NOTCH4: variants seen among roughly 807,000 people sequenced by gnomAD.
NOTCH4 encodes notch receptor 4, also known as neurogenic locus notch homolog protein 4.
Under a neutral mutation model 189.0 loss-of-function variants are expected in NOTCH4, and 138 were observed. The observed-to-expected ratio is 0.73, with a 90% CI of 0.64 to 0.84. NOTCH4 has a LOEUF of 0.84. Ranked by LOEUF, NOTCH4 falls within the 40% of genes least tolerant of loss-of-function variation. NOTCH4 has a pLI of 0.00. For missense variants in NOTCH4, 2,286 were observed against 2,605.4 expected, an observed-to-expected ratio of 0.88 and a Z score of 2.67; for synonymous variants, 942 against 1,032.8, an observed-to-expected ratio of 0.91 and a Z score of 1.69.
intron 20 of NOTCH4, chr6:32,203,500 GCCACCCA>G: frequency 4.1e-6 from 2 of 489,876 alleles, no homozygotes; most frequent in Non-Finnish European, 7.2e-6. Context: ...CCTATCTGAG[GCCACCCA>G]CCACGCAGCT....
chr6:32,223,456 T>G (rs1789926693), intron 1 of NOTCH4, among the ~76,000 whole-genome samples: 1 of 151,520 alleles, frequency 6.6e-6, no homozygotes, highest in South Asian at 2.1e-4. Flanking sequence ...ATCCGGGGGG[T>G]GGGGACAGCT....
chr6:32,200,918 G>A lies in NOTCH4; in HGVS notation c.4228C>T (p.Arg1410Cys), dbSNP rs143103753. The A allele has an allele frequency of 9.1e-5, 146 of 1,608,810 alleles. No individual in the cohort carries two copies. The highest frequency in any genetic ancestry group is 1.1e-4 in the Non-Finnish European group (130 of 1,178,130). Residue 1410 changes from arginine to cysteine, a missense_variant, in exon 23 of 30, where the codon CGC becomes TGC. Physicochemically the swap from Arg to Cys is radical, Grantham distance 180. Around this residue, in one of 2 missense-constraint regions of NOTCH4, gnomAD observed 1,903 missense variants for 2,261.9 expected, o/e 0.84. Transcript: ENST00000375023. This position sits in a 1 kb window ranked among gnomAD's most constrained non-coding sequence, Gnocchi z 5.0. ...ACTGCAGCCATCGCAGCAAGGAAGC[G>A]GAGTAGAAGCCCAGGGTCCCAGGGA... ...RCPWDPGLLL[R>C]FLAAMAAVGA...
At chr6:32,214,913 C>T (rs1290816029) in intron 12 of NOTCH4, among the ~76,000 whole-genome samples, 1 of 152,062 alleles carries the variant, frequency 6.6e-6, no homozygotes, top group Non-Finnish European at 1.5e-5. Flanking sequence ...GGCATGAGAC[C>T]GTAATCAGCA....
chr6:32,215,406 A>G, intron 11 of NOTCH4, 21 bp from the exon 12 acceptor site: 1 of 1,587,160 alleles, frequency 6.3e-7, no homozygotes, highest in Non-Finnish European at 8.6e-7. Flanking sequence ...AAGATGGGTC[A>G]AAAAGAAAAC....
rs1788151188 is a variant in NOTCH4 at position 32,198,918 on chromosome 6, A to G, written c.4535+8T>C. The G allele has an allele frequency of 1.3e-6, 2 of 1,545,474 alleles. No homozygotes were observed. The highest frequency in any genetic ancestry group is 1.7e-6 in the Non-Finnish European group (2 of 1,146,978). On this transcript the variant is annotated splice_region_variant and intron_variant, in intron 24 of 29. Transcript: ENST00000375023. This position sits in a 1 kb window ranked among gnomAD's most constrained non-coding sequence, Gnocchi z 5.5. ...CCTTCCTGAGCCTGGGTTTCTCCTC[A>G]TTCTCACTTGAGACCAATGCTGTCC... is the stretch of plus-strand genomic sequence containing the variant.
Position 32,218,071 on chromosome 6 carries a change from C to A in NOTCH4, c.1548G>T (p.Glu516Asp), listed in dbSNP as rs149364389. ...GGTTCAGGCAGGGAGCTGAGGCACA[C>A]TCGTTGGTCTCCACCTCACAGAGCT... ...EGQLCEVETN[E>D]CASAPCLNHA... Residue 516 changes from glutamate (E) to aspartate (D), a missense_variant, in exon 9 of 30, where the codon GAG becomes GAT. Coordinates refer to ENST00000375023, the MANE Select transcript of NOTCH4 (RefSeq NM_004557.4). The A allele has an allele frequency of 1.9e-6, 3 of 1,613,672 alleles. No individual in the cohort carries two copies. The African/African-American group carries it at 4.0e-5, about 22-fold the overall frequency.
In NOTCH4 at chr6:32,222,594, G is replaced by A. The variant is rs1238773797; in HGVS notation, c.368C>T (p.Pro123Leu). 2 of 1,601,384 alleles carry A rather than the reference G, an allele frequency of 1.2e-6. No homozygotes were observed. Among genetic ancestry groups the A allele is most frequent in the Non-Finnish European group, 1.7e-6 (2 of 1,176,024 alleles). Residue 123 changes from proline (P) to leucine (L), a missense_variant, in exon 3 of 30, where the codon CCT becomes CTT. Physicochemically the swap from Pro to Leu is moderately conservative, Grantham distance 98 (BLOSUM62 -3). Coordinates refer to ENST00000375023, the MANE Select transcript of NOTCH4 (RefSeq NM_004557.4). ...GCCCCTTTTGGAACAGAAGGAGGGA[G>A]GACAAGGGTCTTCAAGCTTGGCCTG... ...RCQAKLEDPC[P>L]PSFCSKRGRC...
At position 32,199,287 on chromosome 6, in the gene NOTCH4, T is replaced by C. The variant is rs1379718141; in HGVS notation, c.4316-142A>G. On this transcript the variant is annotated intron_variant, in intron 23 of 29. Coordinates refer to ENST00000375023, the MANE Select transcript of NOTCH4 (RefSeq NM_004557.4). This position sits in a 1 kb window ranked among gnomAD's most constrained non-coding sequence, Gnocchi z 4.9. ...ATGGGGATGATAATATAGATTGAGG[T>C]TGGGCACAGTGGCTCATGCCTGTAA... The C allele has an allele frequency of 6.4e-6, 4 of 624,506 alleles. No individual in the cohort carries two copies. The African/African-American group carries it at 7.6e-5, about 12-fold the overall frequency. The allele number at this position is 624,506 out of a possible 1,614,324, so 38.7% of individuals were successfully genotyped here.
rs755096040 is a variant in NOTCH4 at position 32,198,534 on chromosome 6, G to T, written c.4643C>A (p.Thr1548Lys). ...GQAEETGPPSTCQLWSLSGGC... is the reference protein window; with the variant it reads ...GQAEETGPPSKCQLWSLSGGC... ...ACCACTCAGAGACCAGAGCTGGCACGTGGAGGGTGGGCCTGTTTCTTCAGC... is the reference window on the plus strand; with the variant it reads ...ACCACTCAGAGACCAGAGCTGGCACTTGGAGGGTGGGCCTGTTTCTTCAGC... Residue 1548 changes from threonine (T) to lysine (K), a missense_variant, in exon 26 of 30, where the codon ACG becomes AAG. Thr to Lys is a moderately conservative substitution (Grantham distance 78). This residue lies in a region of NOTCH4 where 1,903 missense variants were observed against 2,261.9 expected (regional missense o/e 0.84). Transcript: ENST00000375023. The surrounding 1 kb of genome is among the most constrained non-coding windows in gnomAD (Gnocchi z 5.5). 7 of 1,612,904 alleles carry T rather than the reference G, an allele frequency of 4.3e-6. No individual in the cohort carries two copies. The Admixed American group carries it at 8.3e-5, about 19-fold the overall frequency.
At chr6:32,222,064 T>G (rs715299) in intron 3 of NOTCH4, among the ~76,000 whole-genome samples, 54,189 of 151,860 alleles carry the variant, frequency 0.36, 10,367 homozygotes, top group East Asian at 0.61. Flanking sequence ...ATCCACTCTC[T>G]GGGTCACATC....
intron 3 of NOTCH4, among the ~76,000 whole-genome samples, chr6:32,222,169 T>A (rs1163180398): frequency 6.6e-6 from 1 of 151,910 alleles, no homozygotes; most frequent in African/African-American, 2.4e-5. Flanking sequence ...ATGCTCAGAA[T>A]GCAAAAGTCT....
chr6:32,198,507 C>T lies in NOTCH4; in HGVS notation c.4670G>A (p.Gly1557Asp). The T allele has an allele frequency of 1.2e-6, 2 of 1,613,002 alleles. No individual in the cohort carries two copies. The highest frequency in any genetic ancestry group is 2.2e-5 in the East Asian group (1 of 44,878). Reference sequence around the variant, plus strand: ...GGCTGCCTGAGGGAGCGCCCCACAGCCACCACTCAGAGACCAGAGCTGGCA... The same window carrying T: ...GGCTGCCTGAGGGAGCGCCCCACAGTCACCACTCAGAGACCAGAGCTGGCA... ...STCQLWSLSG[G>D]CGALPQAAML... The change falls in exon 26 of 30, where the codon GGC becomes GAC. Residue 1557 changes from glycine to aspartate, a missense_variant. By Grantham distance (94) the Gly-to-Asp change is moderately conservative. Coordinates refer to ENST00000375023, the MANE Select transcript of NOTCH4 (RefSeq NM_004557.4). The surrounding 1 kb of genome is among the most constrained non-coding windows in gnomAD (Gnocchi z 5.5).
chr6:32,223,177 C>T, intron 1 of NOTCH4, 91 bp from the exon 2 acceptor site: 1 of 907,454 alleles, frequency 1.1e-6, no homozygotes. Context: ...CTGCCCACAG[C>T]AGCTCCCACA....
chr6:32,212,350 G>T lies in NOTCH4; in HGVS notation c.2680+124C>A. The T allele has an allele frequency of 2.4e-6, 2 of 851,004 alleles. No individual in the cohort carries two copies. The highest frequency in any genetic ancestry group is 3.7e-6 in the Non-Finnish European group (2 of 538,600). The allele number at this position is 851,004 out of a possible 1,614,324, so 52.7% of individuals were successfully genotyped here. A position where few individuals can be genotyped will look rare whatever the true frequency, so the allele number is the denominator to read the frequency against. ...TCTGCAATCAAGAACTGATTTGTCT[G>T]TGTGGTTTTGATTCTCAGATGGTTG... On this transcript the variant is annotated intron_variant, in intron 17 of 29. Transcript: ENST00000375023. This position sits in a 1 kb window ranked among gnomAD's most constrained non-coding sequence, Gnocchi z 4.4.
chr6:32,223,720 G>A (rs1378793625), intron 1 of NOTCH4, 136 bp downstream of exon 1: 9 of 896,818 alleles, frequency 1.0e-5, no homozygotes, highest in African/African-American at 1.7e-5. Context: ...CCTGGAGGCC[G>A]TCTCTATTTG....
rs1243263801 is a variant in NOTCH4, at chr6:32,199,778, G to T, written c.4316-633C>A. 6.6e-6 allele frequency among the ~76,000 whole-genome samples: 1 copy of T among 152,164 alleles called. No homozygotes were observed. Among genetic ancestry groups the T allele is most frequent in the Non-Finnish European group, 1.5e-5 (1 of 68,034 alleles). ...CCATTGTAATTCCAGCTACTCAGTA[G>T]TCTGAAGCAAGAGAATTGCTTAAAC... On this transcript the variant is annotated intron_variant, in intron 23 of 29. Coordinates refer to ENST00000375023, the MANE Select transcript of NOTCH4 (RefSeq NM_004557.4). The surrounding 1 kb of genome is among the most constrained non-coding windows in gnomAD (Gnocchi z 4.9).
chr6:32,222,691 G>A lies in NOTCH4; in HGVS notation c.271C>T (p.Pro91Ser), dbSNP rs2127491003. 6.2e-7 allele frequency: 1 copy of A among 1,605,110 alleles called. No individual in the cohort carries two copies. The highest frequency in any genetic ancestry group is 1.3e-5 in the African/African-American group (1 of 74,316). The change falls in exon 3 of 30, where the codon CCC becomes TCC. Residue 91 changes from proline to serine, a missense_variant. Pro to Ser is a moderately conservative substitution (Grantham distance 74, BLOSUM62 -1). Around this residue, in one of 2 missense-constraint regions of NOTCH4, gnomAD observed 1,903 missense variants for 2,261.9 expected, o/e 0.84. Coordinates refer to ENST00000375023, the MANE Select transcript of NOTCH4 (RefSeq NM_004557.4). Reference protein sequence around the residue: ...QALLPAPLGLPSSPSPLTPSF... With the variant: ...QALLPAPLGLSSSPSPLTPSF... Reference sequence around the variant, plus strand: ...GGTGTCAATGGAGAGGGAGAGCTGGGGAGCCCTAGGGGAGCGGGAAGCAGG... The same window carrying A: ...GGTGTCAATGGAGAGGGAGAGCTGGAGAGCCCTAGGGGAGCGGGAAGCAGG...
In NOTCH4 at chr6:32,220,651, G is replaced by A. The variant is rs753895295; in HGVS notation, c.923-10C>T. The A allele has an allele frequency of 6.2e-6, 10 of 1,613,202 alleles. No individual in the cohort carries two copies. The African/African-American group carries it at 1.1e-4, about 17-fold the overall frequency. On this transcript the variant is annotated splice_polypyrimidine_tract_variant and intron_variant, in intron 5 of 29. Transcript: ENST00000375023. ...TCGGAGCAGTCCCAGCCTGCAGGGG[G>A]TTGGGGAGGGGACGAGGGCTAAGGC...
Position 32,204,155 on chromosome 6 carries a change from A to G in NOTCH4, c.3100T>C (p.Cys1034Arg). Residue 1034 changes from cysteine to arginine, a missense_variant, in exon 19 of 30, where the codon TGT becomes CGT. By Grantham distance (180) the Cys-to-Arg change is radical. Transcript: ENST00000375023. ...HSLANAFYCQCLPGHTGQWCE... is the reference protein window; with the variant it reads ...HSLANAFYCQRLPGHTGQWCE... The stretch of plus-strand genomic sequence containing the variant: ...GCCTCACCTGTGTGTCCAGGCAGAC[A>G]CTGGCAGTAGAAGGCATTGGCCAGA... 6.2e-7 allele frequency: 1 copy of G among 1,612,888 alleles called. No homozygotes were observed. The highest frequency in any genetic ancestry group is 1.1e-5 in the South Asian group (1 of 91,070).
Sources: gnomAD v4.1 joint callset for allele counts (sites outside exome capture counted in the v4.1 genomes callset) on GRCh38, gnomAD v4.1.1 for gene constraint, gnomAD v4.1.1 regional missense constraint, Gnocchi (gnomAD v3.1) non-coding constraint, MANE v1.5 for transcripts, NCBI Gene and HGNC (gene_info 2026-07-23, HGNC 2026-07-21) for gene names.